Variants in LGR5 observed in about 807,000 individuals in gnomAD.
LGR5 encodes leucine-rich repeat-containing G protein-coupled receptor 5.
In LGR5, 54 loss-of-function variants were observed where a neutral mutation model predicts 76.7. The observed-to-expected ratio is 0.70, with a 90% CI of 0.57 to 0.88. The LOEUF is 0.88. LGR5 is among the 40% of genes least tolerant of loss of function. LGR5 has a pLI of 0.00. For synonymous variants in LGR5, 406 were observed against 421.9 expected, an observed-to-expected ratio of 0.96 and a Z score of 0.46; for missense variants, 1,078 against 1,073.3, an observed-to-expected ratio of 1.00 and a Z score of -0.06.
Position 71,584,202 on chromosome 12 carries a change from T to A in LGR5, c.2192T>A (p.Leu731Ter). Residue 731 changes from leucine to a stop codon, truncating the protein, a stop_gained, in exon 18 of 18, where the codon TTG becomes TAG. Coordinates refer to ENST00000266674, the MANE Select transcript of LGR5 (RefSeq NM_003667.4). LOFTEE classifies it high-confidence loss of function. ...STMGYMVALI[L>*]LNSLCFLMMT... ...ATGGGCTACATGGTCGCTCTCATCT[T>A]GCTCAATTCCCTTTGCTTCCTCATG... 1 of 1,614,192 alleles carries A rather than the reference T, an allele frequency of 6.2e-7. No individual in the cohort carries two copies. The highest frequency in any genetic ancestry group is 8.5e-7 in the Non-Finnish European group (1 of 1,180,038).
In LGR5 at chr12:71,584,523, C is replaced by A; in HGVS notation, c.2513C>A (p.Thr838Asn). The A allele has an allele frequency of 6.2e-6, 10 of 1,614,100 alleles. No individual in the cohort carries two copies. Among genetic ancestry groups the A allele is most frequent in the Non-Finnish European group, 8.5e-6 (10 of 1,180,012 alleles). Reference sequence around the variant, plus strand: ...GATCTGGTGAGCCTGAGAAAGCAAACCTACGTCTGGACAAGATCAAAACAC... The same window carrying A: ...GATCTGGTGAGCCTGAGAAAGCAAAACTACGTCTGGACAAGATCAAAACAC... ...KEDLVSLRKQ[T>N]YVWTRSKHPS... The change falls in exon 18 of 18, where the codon ACC becomes AAC. Residue 838 changes from threonine (T) to asparagine (N), a missense_variant. By Grantham distance (65) the Thr-to-Asn change is moderately conservative. Coordinates refer to ENST00000266674, the MANE Select transcript of LGR5 (RefSeq NM_003667.4).
intron 8 of LGR5, among the ~76,000 whole-genome samples, chr12:71,563,703 G>A (rs1878175712): frequency 6.6e-6 from 1 of 152,018 alleles, no homozygotes; most frequent in African/African-American, 2.4e-5. Flanking sequence ...TTCTTTCAGG[G>A]CCCATTTTAA....
chr12:71,467,135 G>A (rs936575633), intron 1 of LGR5, among the ~76,000 whole-genome samples: 1 of 152,062 alleles, frequency 6.6e-6, no homozygotes, highest in Non-Finnish European at 1.5e-5. Flanking sequence ...AATCAGAGAA[G>A]TTAAGGAATT....
At chr12:71,518,061 G>A (rs185320276) in intron 2 of LGR5, among the ~76,000 whole-genome samples, 1 of 151,916 alleles carries the variant, frequency 6.6e-6, no homozygotes, top group African/African-American at 2.4e-5. Context: ...TGACCCCCTG[G>A]TCTATTCTCC....
At chr12:71,504,587 T>G (rs1874764529) in intron 1 of LGR5, 27 bp from the exon 2 acceptor site, 4 of 1,599,960 alleles carry the variant, frequency 2.5e-6, no homozygotes, top group Non-Finnish European at 3.4e-6. Flanking sequence ...TTGCTGCTCC[T>G]CACACGCTGT....
At chr12:71,510,453 T>TC (rs1189025525) in intron 2 of LGR5, among the ~76,000 whole-genome samples, 1 of 152,152 alleles carries the variant, frequency 6.6e-6, no homozygotes, top group Non-Finnish European at 1.5e-5. Flanking sequence ...CATTCCATTC[T>TC]CCCCCACCAC....
rs201350585 is a variant in LGR5, at chr12:71,503,890, GA to G, written c.213-717del. Among the ~76,000 whole-genome samples, 368 of 152,022 alleles carry G rather than the reference GA, an allele frequency of 2.4e-3. 1 individual carries two copies. The highest frequency in any genetic ancestry group is 0.016 in the East Asian group (82 of 5,174). On this transcript the variant is annotated intron_variant, in intron 1 of 17. Coordinates refer to ENST00000266674, the MANE Select transcript of LGR5 (RefSeq NM_003667.4). The stretch of plus-strand genomic sequence containing the variant: ...TAAGAGACAGTAAAGAAATAGGGGG[GA>G]AAAAAACAGAATAAAATGTAATTAC...
chr12:71,526,819 G>T lies in LGR5; in HGVS notation c.356+2342G>T, dbSNP rs117819708. Among the ~76,000 whole-genome samples the T allele has an allele frequency of 6.4e-4, 97 of 152,268 alleles. 1 individual carries two copies. In the East Asian group the frequency reaches 0.017, roughly 26 times the overall value. ...AGAGGCTTTCCCAGAGATGACCCAG[G>T]AGCTGAATCTTGAAGCACAACTAGG... On this transcript the variant is annotated intron_variant, in intron 3 of 17. Transcript: ENST00000266674.
At chr12:71,559,280 CAA>C (rs200053661) in intron 6 of LGR5, among the ~76,000 whole-genome samples, 1 of 133,570 alleles carries the variant, frequency 7.5e-6, no homozygotes, top group East Asian at 3.0e-4. Context: ...AACACCTGGC[CAA>C]AGAGACATCT....
At chr12:71,476,698 G>A (rs1873350315) in intron 1 of LGR5, among the ~76,000 whole-genome samples, 1 of 152,170 alleles carries the variant, frequency 6.6e-6, no homozygotes. Context: ...ACTAGTTCTT[G>A]GCAGGGAGAT....
In LGR5 at chr12:71,583,702, G is replaced by A. The variant is rs1879187175; in HGVS notation, c.1692G>A (p.Val564=). 1 of 1,614,084 alleles carries A rather than the reference G, an allele frequency of 6.2e-7. No homozygotes were observed. ...ATGGCTGGCTGATCAGAATTGGAGT[G>A]TGGACCATAGCAGTTCTGGCACTTA... is the stretch of plus-strand genomic sequence containing the variant. ...LLDGWLIRIG[V]WTIAVLALTC... is the part of the protein sequence containing the mutation. Residue 564 remains valine, a synonymous_variant, in exon 18 of 18, where the codon GTG becomes GTA. Transcript: ENST00000266674.
intron 1 of LGR5, chr12:71,448,542 A>G (rs1872116200): frequency 6.6e-6 from 1 of 152,180 alleles, no homozygotes; most frequent in African/African-American, 2.4e-5. Flanking sequence ...TGGTGCTTGA[A>G]GGTTTTAGGT....
At chr12:71,515,771 C>T (rs1830787904) in intron 2 of LGR5, among the ~76,000 whole-genome samples, 1 of 152,136 alleles carries the variant, frequency 6.6e-6, no homozygotes, top group Non-Finnish European at 1.5e-5. Flanking sequence ...TTTCTAGGAG[C>T]CAGCATGAAT....
chr12:71,474,257 C>T (rs940361573), intron 1 of LGR5, among the ~76,000 whole-genome samples: 1 of 151,988 alleles, frequency 6.6e-6, no homozygotes, highest in African/African-American at 2.4e-5. Context: ...AAAAATAAAG[C>T]AAAGCTATCT....
intron 1 of LGR5, among the ~76,000 whole-genome samples, chr12:71,494,994 A>G (rs1874246278): frequency 1.3e-5 from 2 of 151,116 alleles, no homozygotes; most frequent in South Asian, 4.1e-4. Context: ...GTGAGAAAGC[A>G]GTGAGCTCCA....
intron 1 of LGR5, among the ~76,000 whole-genome samples, chr12:71,476,902 G>A (rs1380084626): frequency 6.6e-6 from 1 of 152,066 alleles, no homozygotes; most frequent in Non-Finnish European, 1.5e-5. Flanking sequence ...ACTGCTATGT[G>A]GTCCCAGCTT....
intron 2 of LGR5, among the ~76,000 whole-genome samples, chr12:71,523,832 T>C (rs1592511864): frequency 1.3e-5 from 2 of 152,334 alleles, no homozygotes; most frequent in Middle Eastern, 6.8e-3. Context: ...TTCATACTAA[T>C]CTCTCTTTGT....
intron 1 of LGR5, among the ~76,000 whole-genome samples, chr12:71,498,059 C>A (rs1874415234): frequency 6.6e-6 from 1 of 151,574 alleles, no homozygotes; most frequent in Non-Finnish European, 1.5e-5. Context: ...AAGGGGGGAG[C>A]AGAAGGAAAA....
intron 5 of LGR5, among the ~76,000 whole-genome samples, chr12:71,555,904 G>A (rs1378611530): frequency 6.6e-6 from 1 of 152,148 alleles, no homozygotes; most frequent in African/African-American, 2.4e-5. Context: ...ATTCACAATA[G>A]CAAAGATGTG....
Sources: allele counts gnomAD v4.1 joint callset (sites outside exome capture counted in the v4.1 genomes callset), GRCh38; gene constraint gnomAD v4.1.1; transcripts MANE v1.5; gene names NCBI Gene and HGNC (gene_info 2026-07-23, HGNC 2026-07-21).